FGF14: variants seen among roughly 807,000 people sequenced by gnomAD.
The protein encoded by FGF14 is fibroblast growth factor 14, also known as fibroblast growth factor homologous factor 4.
FGF14 carries 5 observed loss-of-function variants against 25.5 expected under a neutral mutation model. The observed-to-expected ratio is 0.20, with a 90% CI of 0.10 to 0.41. The LOEUF (loss-of-function observed/expected upper bound fraction) is 0.41, where lower values mean the gene tolerates loss of function less well. FGF14 is among the 10% of genes least tolerant of loss of function. The pLI is 1.00. For missense variants in FGF14, 222 were observed against 320.1 expected (o/e 0.69, Z 2.34); for synonymous variants, 138 against 118.3 (o/e 1.17, Z -1.08).
At chr13:101,901,319 C>A (rs1368547043) in intron 1 of FGF14, among the ~76,000 whole-genome samples, 5 of 152,166 alleles carry the variant, frequency 3.3e-5, no homozygotes, top group Non-Finnish European at 5.9e-5. Flanking sequence ...CAAGTAGTGA[C>A]TTCCAAATCT....
At chr13:101,881,251 C>T (rs190747053) in intron 1 of FGF14, among the ~76,000 whole-genome samples, 3 of 152,268 alleles carry the variant, frequency 2.0e-5, no homozygotes, top group African/African-American at 7.2e-5. Flanking sequence ...ATCTTTGGAA[C>T]TCAGAAAAGC....
intron 1 of FGF14, among the ~76,000 whole-genome samples, chr13:102,046,913 A>T (rs1222002914): frequency 6.6e-6 from 1 of 152,196 alleles, no homozygotes; most frequent in Non-Finnish European, 1.5e-5. Context: ...ATAATTACTT[A>T]AGAAAAAAAT....
At chr13:102,243,513 C>CA (rs1028923885) in intron 1 of FGF14, among the ~76,000 whole-genome samples, 4 of 151,910 alleles carry the variant, frequency 2.6e-5, no homozygotes, top group Admixed American at 2.0e-4. Context: ...CAATTAACAA[C>CA]AAAAAAACTA....
intron 1 of FGF14, among the ~76,000 whole-genome samples, chr13:101,879,243 T>G (rs2045568302): frequency 6.6e-6 from 1 of 152,184 alleles, no homozygotes; most frequent in Non-Finnish European, 1.5e-5. Flanking sequence ...TTAGTGTGCC[T>G]GATAATTTTA....
chr13:102,292,652 A>C (rs2054486170), intron 1 of FGF14: 1 of 152,202 alleles, frequency 6.6e-6, no homozygotes, highest in African/African-American at 2.4e-5. Flanking sequence ...AAAAGAAACC[A>C]CCTCACCTAC....
At chr13:101,956,001 G>A (rs1185119307) in intron 1 of FGF14, among the ~76,000 whole-genome samples, 10 of 152,166 alleles carry the variant, frequency 6.6e-5, no homozygotes, top group Non-Finnish European at 8.8e-5. Context: ...TAAGTATTTG[G>A]CAAGTTGGTT....
rs996245960 is a variant in FGF14 at position 101,721,344 on chromosome 13, C to CAA, written c.*1485_*1486dup. 2 of 151,938 alleles carry CAA rather than the reference C, an allele frequency of 1.3e-5. No individual in the cohort carries two copies. The highest frequency in any genetic ancestry group is 4.8e-5 in the African/African-American group (2 of 41,338). The allele number at this position is 151,938 out of a possible 1,614,324, so 9.4% of individuals were successfully genotyped here. On this transcript the variant is annotated 3_prime_UTR_variant, in exon 5 of 5. Coordinates refer to ENST00000376143, the MANE Select transcript of FGF14 (RefSeq NM_004115.4). ...GGTAGTTGTCTTCCCTAAGCTCAAA[C>CAA]AAACAGTGTTAAACTAAAAAGGAAA...
At chr13:102,129,729 C>T (rs2046109800) in intron 1 of FGF14, among the ~76,000 whole-genome samples, 1 of 151,844 alleles carries the variant, frequency 6.6e-6, no homozygotes, top group Non-Finnish European at 1.5e-5. Flanking sequence ...GGAGATATAC[C>T]TAATGTAAAT....
intron 1 of FGF14, among the ~76,000 whole-genome samples, chr13:102,331,702 C>T (rs2056637345): frequency 6.6e-6 from 1 of 152,074 alleles, no homozygotes; most frequent in African/African-American, 2.4e-5. Flanking sequence ...ACATGAAACG[C>T]ACAATGAAGG....
chr13:101,769,153 A>G (rs562593057), intron 3 of FGF14, among the ~76,000 whole-genome samples: 6 of 152,194 alleles, frequency 3.9e-5, no homozygotes, highest in Non-Finnish European at 8.8e-5. Context: ...AAAGACCTTA[A>G]CAGATAAGTT....
intron 1 of FGF14, among the ~76,000 whole-genome samples, chr13:102,183,594 A>G (rs1050459200): frequency 6.6e-6 from 1 of 152,168 alleles, no homozygotes; most frequent in Admixed American, 6.6e-5. Context: ...CTGTTCCTCA[A>G]TGAACTCAGT....
At chr13:102,026,575 C>T (rs749446831) in intron 1 of FGF14, among the ~76,000 whole-genome samples, 3 of 151,846 alleles carry the variant, frequency 2.0e-5, no homozygotes, top group Non-Finnish European at 4.4e-5. Flanking sequence ...TTTCCCAGAA[C>T]TGAGTTTAGT....
chr13:101,785,945 A>C (rs1345864737), intron 3 of FGF14, among the ~76,000 whole-genome samples: 1 of 152,236 alleles, frequency 6.6e-6, no homozygotes, highest in Non-Finnish European at 1.5e-5. Flanking sequence ...CCTGCCAGGA[A>C]CTGAACTGGA....
At chr13:101,828,208 G>T (rs1431495989) in intron 3 of FGF14, among the ~76,000 whole-genome samples, 2 of 151,924 alleles carry the variant, frequency 1.3e-5, no homozygotes, top group African/African-American at 4.8e-5. Flanking sequence ...TGCAATAGTT[G>T]AACTACCTAT....
chr13:101,776,421 G>GT lies in FGF14; in HGVS notation c.409-49612dup, dbSNP rs202126890. On this transcript the variant is annotated intron_variant, in intron 3 of 4. Coordinates refer to ENST00000376143, the MANE Select transcript of FGF14 (RefSeq NM_004115.4). ...GGCACACATGGATAATCATCAGACTGTATTTTCATCTGAAGCTTGCCATTC... is the reference window on the plus strand; with the variant it reads ...GGCACACATGGATAATCATCAGACTGTTATTTTCATCTGAAGCTTGCCATTC... 3.0e-4 allele frequency among the ~76,000 whole-genome samples: 46 copies of GT among 152,252 alleles called. No homozygotes were observed. The East Asian group carries it at 8.7e-3, about 29-fold the overall frequency.
intron 3 of FGF14, among the ~76,000 whole-genome samples, chr13:101,780,709 A>G (rs1389455092): frequency 6.6e-6 from 1 of 151,682 alleles, no homozygotes; most frequent in Non-Finnish European, 1.5e-5. Context: ...GATTTTTCCC[A>G]CTCCCTTCAA....
At chr13:102,219,465 TA>T (rs1483754427) in intron 1 of FGF14, among the ~76,000 whole-genome samples, 1 of 152,222 alleles carries the variant, frequency 6.6e-6, no homozygotes, top group African/African-American at 2.4e-5. Flanking sequence ...CATATCTTGC[TA>T]AAGTTAGTTG....
At position 101,770,845 on chromosome 13, in the gene FGF14, T is replaced by C. The variant is rs188936606; in HGVS notation, c.409-44035A>G. 8.7e-4 allele frequency among the ~76,000 whole-genome samples: 133 copies of C among 152,188 alleles called. 1 individual carries two copies. Among genetic ancestry groups the C allele is most frequent in the African/African-American group, 3.1e-3 (130 of 41,542 alleles). ...TATCTACTGCAGTGTTCTAGGAACA[T>C]TATTTAAATCAAAGAATGACATAGA... is the stretch of plus-strand genomic sequence containing the variant. On this transcript the variant is annotated intron_variant, in intron 3 of 4. Coordinates refer to ENST00000376143, the MANE Select transcript of FGF14 (RefSeq NM_004115.4).
At position 102,086,405 on chromosome 13, in the gene FGF14, A is replaced by C. The variant is rs535466873; in HGVS notation, c.209-211109T>G. Reference sequence around the variant, plus strand: ...ATTAGCCGGGCGTGGTGGCGGGCGCATGTAGTCCCAGCTACTCGGGAGGCT... The same window carrying C: ...ATTAGCCGGGCGTGGTGGCGGGCGCCTGTAGTCCCAGCTACTCGGGAGGCT... On this transcript the variant is annotated intron_variant, in intron 1 of 4. Coordinates refer to the FGF14 transcript ENST00000376131. Among the ~76,000 whole-genome samples, 1,187 of 151,882 alleles carry C rather than the reference A, an allele frequency of 7.8e-3. 2 individuals are homozygous for C. Among genetic ancestry groups the C allele is most frequent in the African/African-American group, 0.015 (604 of 41,452 alleles).
Sources: allele counts gnomAD v4.1 joint callset (sites outside exome capture counted in the v4.1 genomes callset), GRCh38; gene constraint gnomAD v4.1.1; transcripts MANE v1.5; gene names NCBI Gene and HGNC (gene_info 2026-07-23, HGNC 2026-07-21).